VAV3: variants seen among roughly 807,000 people sequenced by gnomAD.
VAV3 encodes the protein vav guanine nucleotide exchange factor 3.
Under a neutral mutation model 131.2 loss-of-function variants are expected in VAV3, and 94 were observed. That is an observed-to-expected ratio of 0.72 (90% CI 0.61 to 0.85). The LOEUF (loss-of-function observed/expected upper bound fraction) is 0.85. VAV3 is among the 40% of genes least tolerant of loss of function. The pLI, the probability that VAV3 is intolerant of heterozygous loss-of-function variation, is 0.00. For missense variants in VAV3, 939 were observed against 1,002.7 expected (o/e 0.94, Z 0.86); for synonymous variants, 349 against 342.0 (o/e 1.02, Z -0.22).
intron 2 of VAV3, among the ~76,000 whole-genome samples, chr1:107,808,923 C>A (rs1667190719): frequency 6.6e-6 from 1 of 152,008 alleles, no homozygotes. Context: ...ATTTTCTGGA[C>A]CAAAGAGTAA....
chr1:107,609,856 C>T, intron 22 of VAV3, 75 bp downstream of exon 22: 9 of 1,426,748 alleles, frequency 6.3e-6, no homozygotes, highest in Non-Finnish European at 8.8e-6. Flanking sequence ...TGGTTTACTA[C>T]CCCCACATTT....
chr1:107,830,503 C>T (rs543111602), intron 2 of VAV3, among the ~76,000 whole-genome samples: 5 of 152,170 alleles, frequency 3.3e-5, no homozygotes, highest in Admixed American at 6.5e-5. Context: ...ACAAACAACC[C>T]GCTGGCACAA....
At chr1:107,961,200 A>G (rs1375286639) in intron 1 of VAV3, among the ~76,000 whole-genome samples, 4 of 152,320 alleles carry the variant, frequency 2.6e-5, no homozygotes, top group Non-Finnish European at 1.5e-5. Flanking sequence ...TATTACCCCT[A>G]CTATAAAGCA....
intron 2 of VAV3, among the ~76,000 whole-genome samples, chr1:107,822,916 T>C (rs1339509869): frequency 6.6e-6 from 1 of 152,110 alleles, no homozygotes; most frequent in Admixed American, 6.6e-5. Context: ...CTGTTAATAT[T>C]ACATTCTCAA....
rs945344065 is a variant in VAV3, at chr1:107,880,804, A to G, written c.205-5787T>C. 2.4e-4 allele frequency among the ~76,000 whole-genome samples: 14 copies of G among 58,738 alleles called. 1 individual carries two copies. The highest frequency in any genetic ancestry group is 1.4e-3 in the African/African-American group (13 of 9,278). 38.5% of individuals were successfully genotyped at this position (58,738 alleles called of 152,430 possible). On this transcript the variant is annotated intron_variant, in intron 1 of 26. Coordinates refer to ENST00000370056, the MANE Select transcript of VAV3 (RefSeq NM_006113.5). ...AAGTGAGATTCTGTCTCCAAAAAAA[A>G]AAAAGAAAAGAAAAAAAGCACCAAA...
intron 19 of VAV3, among the ~76,000 whole-genome samples, chr1:107,676,007 A>G (rs191699788): frequency 8.5e-5 from 13 of 152,336 alleles, no homozygotes; most frequent in Non-Finnish European, 8.8e-5. Flanking sequence ...AGGATCCTAC[A>G]AATGGAAAAA....
intron 15 of VAV3, among the ~76,000 whole-genome samples, chr1:107,717,361 T>C (rs1028940724): frequency 2.0e-5 from 3 of 152,246 alleles, no homozygotes; most frequent in African/African-American, 7.2e-5. Context: ...TCCTGCTTTC[T>C]CTTGTGAGCA....
Position 107,603,780 on chromosome 1 carries a change from C to A in VAV3, c.2016-617G>T, listed in dbSNP as rs548049309. Among the ~76,000 whole-genome samples, 37 of 151,374 alleles carry A rather than the reference C, an allele frequency of 2.4e-4. 1 individual carries two copies. Among genetic ancestry groups the A allele is most frequent in the African/African-American group, 8.2e-4 (34 of 41,298 alleles). On this transcript the variant is annotated intron_variant, in intron 22 of 26. Coordinates refer to ENST00000370056, the MANE Select transcript of VAV3 (RefSeq NM_006113.5). ...TTGCTAAATACAGGCAAGCCCAAAG[C>A]AATGCAGTCTATTTAACATGCTAGT...
chr1:107,667,468 A>C (rs980172774), intron 19 of VAV3, among the ~76,000 whole-genome samples: 1 of 152,164 alleles, frequency 6.6e-6, no homozygotes, highest in East Asian at 1.9e-4. Context: ...ATAATCCAAC[A>C]ATGTCTCCAT....
chr1:107,689,915 G>C (rs1659312480), intron 17 of VAV3, among the ~76,000 whole-genome samples: 1 of 152,142 alleles, frequency 6.6e-6, no homozygotes, highest in African/African-American at 2.4e-5. Context: ...TCACTGGTTT[G>C]CCCAGAAAGA....
intron 1 of VAV3, among the ~76,000 whole-genome samples, chr1:107,925,580 C>T (rs192310873): frequency 6.6e-6 from 1 of 151,886 alleles, no homozygotes; most frequent in African/African-American, 2.4e-5. Flanking sequence ...AAGCTAGTCA[C>T]AAGTGCACAA....
intron 25 of VAV3, among the ~76,000 whole-genome samples, chr1:107,595,377 T>C (rs769037471): frequency 2.0e-5 from 3 of 151,952 alleles, no homozygotes; most frequent in Non-Finnish European, 4.4e-5. Context: ...TATAAAGTTA[T>C]ATTAAACCGA....
chr1:107,610,042 G>A, intron 21 of VAV3, 77 bp from the exon 22 acceptor site: 1 of 1,388,834 alleles, frequency 7.2e-7, no homozygotes, highest in African/African-American at 1.4e-5. Context: ...ATTCAGTTCA[G>A]CTGACTCAGC....
intron 25 of VAV3, among the ~76,000 whole-genome samples, chr1:107,587,975 T>C (rs1650635571): frequency 6.6e-6 from 1 of 152,226 alleles, no homozygotes; most frequent in South Asian, 2.1e-4. Flanking sequence ...TGAGAAATTC[T>C]AAGATCATAA....
At chr1:107,857,205 A>AT (rs1268972324) in intron 2 of VAV3, among the ~76,000 whole-genome samples, 8 of 152,186 alleles carry the variant, frequency 5.3e-5, no homozygotes, top group African/African-American at 1.9e-4. Context: ...TGGCCAGGAT[A>AT]TAAAGCAGGC....
chr1:107,701,060 A>G (rs1385845952), intron 17 of VAV3, among the ~76,000 whole-genome samples: 1 of 103,338 alleles, frequency 9.7e-6, no homozygotes, highest in Non-Finnish European at 2.4e-5. Context: ...AGTCATGTTG[A>G]GCTTTTTTTT....
chr1:107,709,308 G>T (rs889288588), intron 15 of VAV3, among the ~76,000 whole-genome samples: 3 of 152,070 alleles, frequency 2.0e-5, no homozygotes, highest in African/African-American at 7.2e-5. Flanking sequence ...ATTCATAGCT[G>T]ATAGAAATCA....
chr1:107,928,571 T>C (rs1345000132), intron 1 of VAV3, among the ~76,000 whole-genome samples: 1 of 152,236 alleles, frequency 6.6e-6, no homozygotes, highest in Non-Finnish European at 1.5e-5. Flanking sequence ...ATTGAAATAA[T>C]TTTCAAAGGT....
At chr1:107,581,077 C>T (rs1181988125) in intron 25 of VAV3, among the ~76,000 whole-genome samples, 1 of 152,212 alleles carries the variant, frequency 6.6e-6, no homozygotes, top group Non-Finnish European at 1.5e-5. Context: ...CTACCTGCAT[C>T]ATGTTGTTCT....
Sources: gnomAD v4.1 joint callset for allele counts (sites outside exome capture counted in the v4.1 genomes callset) on GRCh38, gnomAD v4.1.1 for gene constraint, MANE v1.5 for transcripts, NCBI Gene and HGNC (gene_info 2026-07-23, HGNC 2026-07-21) for gene names.